Variants in PLCB4 observed in about 807,000 individuals in gnomAD.
The protein encoded by PLCB4 is 1-phosphatidylinositol 4,5-bisphosphate phosphodiesterase beta-4.
PLCB4 carries 77 observed loss-of-function variants against 178.8 expected under a neutral mutation model. The ratio of observed to expected loss-of-function variants is 0.43; its 90% confidence interval spans 0.36 to 0.52. PLCB4 has a LOEUF of 0.52. Ranked by LOEUF, PLCB4 falls within the 20% of genes least tolerant of loss-of-function variation. The probability of loss-of-function intolerance (pLI) is 0.00; values close to 1 mark genes in which losing one functional copy is unlikely to be tolerated. For missense variants in PLCB4, 1,024 were observed against 1,453.4 expected, an observed-to-expected ratio of 0.70 and a Z score of 4.80; for synonymous variants, 496 against 490.8, an observed-to-expected ratio of 1.01 and a Z score of -0.14.
intron 7 of PLCB4, among the ~76,000 whole-genome samples, chr20:9,361,992 T>G (rs180827141): frequency 6.6e-6 from 1 of 152,352 alleles, no homozygotes; most frequent in East Asian, 1.9e-4. Flanking sequence ...TCTATATTAC[T>G]ATCTATTCCA....
intron 36 of PLCB4, among the ~76,000 whole-genome samples, chr20:9,469,583 C>T (rs1432703553): frequency 6.6e-6 from 1 of 152,180 alleles, no homozygotes; most frequent in Non-Finnish European, 1.5e-5. Flanking sequence ...GCAGGAAGGC[C>T]CAGGGCAGGC....
chr20:9,106,311 G>C (rs554679216), intron 2 of PLCB4, among the ~76,000 whole-genome samples: 1 of 151,460 alleles, frequency 6.6e-6, no homozygotes, highest in South Asian at 2.1e-4. Flanking sequence ...AATTACTTTT[G>C]CACCAACCTA....
chr20:9,386,432 T>G (rs1407490997), intron 14 of PLCB4, among the ~76,000 whole-genome samples: 1 of 152,188 alleles, frequency 6.6e-6, no homozygotes, highest in Non-Finnish European at 1.5e-5. Flanking sequence ...AAATAAGAAA[T>G]GTAGTTACAT....
chr20:9,331,673 T>G (rs556024232), intron 4 of PLCB4, among the ~76,000 whole-genome samples: 94 of 152,350 alleles, frequency 6.2e-4, no homozygotes, highest in African/African-American at 2.2e-3. Flanking sequence ...GTTAGTTGAT[T>G]TGAAAGTAAC....
At chr20:9,170,394 C>T (rs1285971914) in intron 2 of PLCB4, among the ~76,000 whole-genome samples, 1 of 152,104 alleles carries the variant, frequency 6.6e-6, no homozygotes, top group Admixed American at 6.6e-5. Context: ...CAGATGTTTT[C>T]CAATGACTTT....
intron 2 of PLCB4, among the ~76,000 whole-genome samples, chr20:9,210,938 G>C (rs1160779685): frequency 6.6e-6 from 1 of 152,182 alleles, no homozygotes; most frequent in Non-Finnish European, 1.5e-5. Flanking sequence ...GCACGAACTT[G>C]AGGAAACATA....
chr20:9,122,569 A>G (rs1410937035), intron 2 of PLCB4, among the ~76,000 whole-genome samples: 1 of 152,184 alleles, frequency 6.6e-6, no homozygotes, highest in Non-Finnish European at 1.5e-5. Flanking sequence ...CAATTTCACA[A>G]GACAATATAG....
intron 3 of PLCB4, among the ~76,000 whole-genome samples, chr20:9,235,473 T>G (rs1271061238): frequency 2.0e-5 from 3 of 152,228 alleles, no homozygotes; most frequent in Non-Finnish European, 2.9e-5. Flanking sequence ...TGATGTAAAC[T>G]GACTCTTTTT....
At chr20:9,417,626 A>G (rs1246273963) in intron 25 of PLCB4, among the ~76,000 whole-genome samples, 1 of 152,136 alleles carries the variant, frequency 6.6e-6, no homozygotes, top group Non-Finnish European at 1.5e-5. Flanking sequence ...GGTAATTTCC[A>G]TCTCTGGATT....
chr20:9,081,768 C>CAAAAAAAAAAAAAAAA (rs10629831), intron 1 of PLCB4, among the ~76,000 whole-genome samples: 1 of 90,474 alleles, frequency 1.1e-5, no homozygotes, highest in Non-Finnish European at 2.0e-5. Flanking sequence ...GATGATTAAG[C>CAAAAAAAAAAAAAAAA]AAAAAAAAAA....
chr20:9,237,488 A>G (rs1380481526), intron 3 of PLCB4, among the ~76,000 whole-genome samples: 1 of 152,250 alleles, frequency 6.6e-6, no homozygotes, highest in Non-Finnish European at 1.5e-5. Flanking sequence ...GACCAGCAGC[A>G]TCACTGAGGA....
At chr20:9,436,130 T>A (rs2041752619) in intron 29 of PLCB4, among the ~76,000 whole-genome samples, 1 of 152,224 alleles carries the variant, frequency 6.6e-6, no homozygotes, top group Non-Finnish European at 1.5e-5. Context: ...GTATAAGTTG[T>A]ATATAAAACA....
chr20:9,308,050 A>T (rs770417913), intron 4 of PLCB4, 152 bp downstream of exon 4: 5 of 458,886 alleles, frequency 1.1e-5, no homozygotes, highest in Non-Finnish European at 1.5e-5. Context: ...TATGAGCTAG[A>T]GTAATAATGA....
At chr20:9,184,804 G>A (rs6108267) in intron 2 of PLCB4, among the ~76,000 whole-genome samples, 10,622 of 152,182 alleles carry the variant, frequency 0.07, 800 homozygotes, top group African/African-American at 0.18. Context: ...CATTCAATTT[G>A]TGTAATGCTA....
At chr20:9,131,880 G>T (rs1351384510) in intron 2 of PLCB4, among the ~76,000 whole-genome samples, 1 of 152,130 alleles carries the variant, frequency 6.6e-6, no homozygotes, top group Non-Finnish European at 1.5e-5. Context: ...CTTCTTGGAA[G>T]CCAACCTTGA....
At chr20:9,427,039 A>G (rs1216067479) in intron 28 of PLCB4, among the ~76,000 whole-genome samples, 1 of 152,206 alleles carries the variant, frequency 6.6e-6, no homozygotes, top group Non-Finnish European at 1.5e-5. Flanking sequence ...AGCCTGGCCA[A>G]CATGGCAAAA....
At chr20:9,218,888 G>C (rs935823696) in intron 3 of PLCB4, among the ~76,000 whole-genome samples, 7 of 152,150 alleles carry the variant, frequency 4.6e-5, no homozygotes, top group African/African-American at 1.7e-4. Flanking sequence ...ATTCTCTCGG[G>C]ACTTTAAATC....
intron 32 of PLCB4, among the ~76,000 whole-genome samples, chr20:9,446,163 G>A (rs1051495262): frequency 2.6e-5 from 4 of 152,182 alleles, no homozygotes; most frequent in Non-Finnish European, 5.9e-5. Context: ...TTCTATGTGA[G>A]TCTCCATTTA....
At chr20:9,421,255 C>T (rs1318351352) in intron 26 of PLCB4, 42 bp from the exon 27 acceptor site, 2 of 1,526,038 alleles carry the variant, frequency 1.3e-6, no homozygotes, top group East Asian at 2.3e-5. Context: ...CTGATGCTTA[C>T]ACAGAGCTTA....
Sources: allele counts gnomAD v4.1 joint callset (sites outside exome capture counted in the v4.1 genomes callset), GRCh38; gene constraint gnomAD v4.1.1; transcripts MANE v1.5; gene names NCBI Gene and HGNC (gene_info 2026-07-23, HGNC 2026-07-21).